LDLRAD3: variants seen among roughly 807,000 people sequenced by gnomAD.
LDLRAD3 encodes low-density lipoprotein receptor class A domain-containing protein 3.
LDLRAD3 carries 20 observed loss-of-function variants against 29.4 expected under a neutral mutation model. The observed-to-expected ratio is 0.68, with a 90% CI of 0.48 to 0.99. The LOEUF is 0.99. Among genes scored for constraint, LDLRAD3 ranks in the 50% least tolerant of loss-of-function variants. The pLI, the probability that LDLRAD3 is intolerant of heterozygous loss-of-function variation, is 0.00. For missense variants in LDLRAD3, 420 were observed against 454.3 expected (o/e 0.92, Z 0.69); for synonymous variants, 157 against 192.7 (o/e 0.81, Z 1.53).
chr11:36,140,301 C>T (rs1194082126), intron 4 of LDLRAD3, among the ~76,000 whole-genome samples: 1 of 152,150 alleles, frequency 6.6e-6, no homozygotes, highest in East Asian at 1.9e-4. Flanking sequence ...CAGAGAATAC[C>T]TTGGCCTGTG....
At chr11:35,980,014 A>G (rs12271738) in intron 1 of LDLRAD3, among the ~76,000 whole-genome samples, 18,444 of 152,214 alleles carry the variant, frequency 0.12, 3,012 homozygotes, top group African/African-American at 0.38. Context: ...TAAAATAACA[A>G]TGTGATGGAA....
In LDLRAD3 at chr11:36,140,300, C is replaced by A. The variant is rs185191790; in HGVS notation, c.454+41839C>A. The stretch of plus-strand genomic sequence containing the variant: ...AGGACCCTTCTCACACCAGAGAATA[C>A]CTTGGCCTGTGTAGAAGAGGATGCG... On this transcript the variant is annotated intron_variant, in intron 4 of 5. Transcript: ENST00000315571. Among the ~76,000 whole-genome samples the A allele has an allele frequency of 2.6e-5, 4 of 152,272 alleles. No individual in the cohort carries two copies. The East Asian group carries it at 7.7e-4, about 29-fold the overall frequency.
intron 2 of LDLRAD3, among the ~76,000 whole-genome samples, chr11:36,042,014 G>A (rs180731213): frequency 5.9e-5 from 9 of 152,254 alleles, no homozygotes; most frequent in South Asian, 2.1e-4. Context: ...GTTCCTGACC[G>A]TTTCTTGAAC....
At chr11:36,097,982 C>T (rs986280438) in intron 3 of LDLRAD3, among the ~76,000 whole-genome samples, 1 of 152,198 alleles carries the variant, frequency 6.6e-6, no homozygotes, top group African/African-American at 2.4e-5. Context: ...TGACCCTGTG[C>T]TGTCACCAAA....
At chr11:36,091,565 C>T (rs897566326) in intron 3 of LDLRAD3, among the ~76,000 whole-genome samples, 1 of 150,872 alleles carries the variant, frequency 6.6e-6, no homozygotes, top group Non-Finnish European at 1.5e-5. Context: ...AGCTTTAGAA[C>T]CCTGTGTTTT....
intron 4 of LDLRAD3, among the ~76,000 whole-genome samples, chr11:36,200,534 G>T (rs939140278): frequency 2.0e-5 from 3 of 152,178 alleles, no homozygotes; most frequent in Non-Finnish European, 2.9e-5. Context: ...GTCAAGAAAG[G>T]CATGGCCAAG....
chr11:36,099,287 A>G (rs893562891), intron 4 of LDLRAD3, among the ~76,000 whole-genome samples: 8 of 151,992 alleles, frequency 5.3e-5, no homozygotes, highest in African/African-American at 1.9e-4. Context: ...GACCGGGTAC[A>G]TTTCTTTACT....
intron 2 of LDLRAD3, among the ~76,000 whole-genome samples, chr11:36,072,880 T>C (rs914033838): frequency 6.6e-6 from 1 of 152,208 alleles, no homozygotes; most frequent in Non-Finnish European, 1.5e-5. Flanking sequence ...ACCCCAAATA[T>C]GGGTCCCAGG....
At chr11:36,194,500 T>C (rs566660004) in intron 4 of LDLRAD3, among the ~76,000 whole-genome samples, 3 of 152,284 alleles carry the variant, frequency 2.0e-5, no homozygotes, top group African/African-American at 7.2e-5. Context: ...GTTTCCTGTG[T>C]GGAGATGTCT....
intron 4 of LDLRAD3, among the ~76,000 whole-genome samples, chr11:36,167,004 C>G (rs1306024182): frequency 6.6e-6 from 1 of 152,118 alleles, no homozygotes; most frequent in Non-Finnish European, 1.5e-5. Context: ...CAGATGTAAT[C>G]AAGTTAAGAT....
At chr11:36,083,322 C>T (rs1853144402) in intron 3 of LDLRAD3, among the ~76,000 whole-genome samples, 1 of 152,142 alleles carries the variant, frequency 6.6e-6, no homozygotes, top group African/African-American at 2.4e-5. Flanking sequence ...CTATTCATCC[C>T]TTTTTGTACC....
At chr11:35,974,757 C>T (rs117440586) in intron 1 of LDLRAD3, among the ~76,000 whole-genome samples, 1 of 152,192 alleles carries the variant, frequency 6.6e-6, no homozygotes, top group South Asian at 2.1e-4. Flanking sequence ...AGCTGCAATA[C>T]ACACATCTGG....
chr11:36,120,094 C>T (rs777960668), intron 4 of LDLRAD3, among the ~76,000 whole-genome samples: 1 of 152,138 alleles, frequency 6.6e-6, no homozygotes, highest in Non-Finnish European at 1.5e-5. Context: ...TTTTCCCTCA[C>T]TGAATTGTCT....
intron 3 of LDLRAD3, among the ~76,000 whole-genome samples, chr11:36,095,649 G>A (rs149585918): frequency 3.9e-5 from 6 of 152,212 alleles, no homozygotes; most frequent in Admixed American, 6.5e-5. Context: ...CGTATGTGGC[G>A]TTTTTCCTTG....
intron 4 of LDLRAD3, among the ~76,000 whole-genome samples, chr11:36,126,180 G>T (rs11825285): frequency 0.022 from 3,394 of 152,184 alleles, 120 homozygotes; most frequent in African/African-American, 0.078. Context: ...TGCTCCCGAT[G>T]CCTTGCTTCT....
chr11:36,185,646 T>A (rs1854837469), intron 4 of LDLRAD3, among the ~76,000 whole-genome samples: 1 of 152,164 alleles, frequency 6.6e-6, no homozygotes, highest in African/African-American at 2.4e-5. Context: ...TCACATGGAT[T>A]AATTGGCCTC....
intron 1 of LDLRAD3, among the ~76,000 whole-genome samples, chr11:35,948,598 C>T (rs1476207541): frequency 6.6e-6 from 1 of 152,168 alleles, no homozygotes; most frequent in Admixed American, 6.5e-5. Context: ...TTTTGATATG[C>T]CGTATTTGCT....
intron 4 of LDLRAD3, among the ~76,000 whole-genome samples, chr11:36,218,192 G>T (rs958552719): frequency 6.6e-6 from 1 of 152,168 alleles, no homozygotes; most frequent in African/African-American, 2.4e-5. Context: ...GGTGATGGTT[G>T]TTAGTATTAT....
At chr11:36,183,262 C>T (rs957208750) in intron 4 of LDLRAD3, among the ~76,000 whole-genome samples, 1 of 152,156 alleles carries the variant, frequency 6.6e-6, no homozygotes. Flanking sequence ...TTTTACAAAC[C>T]TTAATTTAAG....
Sources: gnomAD v4.1 joint callset for allele counts (sites outside exome capture counted in the v4.1 genomes callset) on GRCh38, gnomAD v4.1.1 for gene constraint, MANE v1.5 for transcripts, NCBI Gene and HGNC (gene_info 2026-07-23, HGNC 2026-07-21) for gene names.